The following DDAH1 variants were observed in gnomAD, a reference collection of about 807,000 sequenced individuals.
The protein encoded by DDAH1 is dimethylarginine dimethylaminohydrolase 1.
DDAH1 carries 19 observed loss-of-function variants against 28.8 expected under a neutral mutation model. The ratio of observed to expected loss-of-function variants is 0.66; its 90% CI spans 0.46 to 0.97. The LOEUF is 0.97. Ranked by LOEUF, DDAH1 falls within the 50% of genes least tolerant of loss-of-function variation. DDAH1 has a pLI of 0.00. For synonymous variants in DDAH1, 153 were observed against 154.4 expected (o/e 0.99, Z 0.07); for missense variants, 326 against 375.9 (o/e 0.87, Z 1.10).
chr1:85,464,609 C>T lies in DDAH1; in HGVS notation c.303+134G>A, dbSNP rs1020835966. The T allele has an allele frequency of 6.6e-7, 1 of 1,522,950 alleles. No homozygotes were observed. The highest frequency in any genetic ancestry group is 1.4e-5 in the African/African-American group (1 of 72,628). The allele number at this position is 1,522,950 out of a possible 1,614,324, so 94.3% of individuals were successfully genotyped here. A position where few individuals can be genotyped will look rare whatever the true frequency, so the allele number is the denominator to read the frequency against. On this transcript the variant is annotated intron_variant, in intron 1 of 5. Transcript: ENST00000284031. The surrounding 1 kb of genome is among the most constrained non-coding windows in gnomAD (Gnocchi z 4.4). ...TCTCTGACACACACACACACACACACACTCGCCCCCCGACGGGAAGTTGTG... is the reference window on the plus strand; with the variant it reads ...TCTCTGACACACACACACACACACATACTCGCCCCCCGACGGGAAGTTGTG...
At chr1:85,563,826 T>C (rs1045440030) in intron 1 of DDAH1, among the ~76,000 whole-genome samples, 1 of 152,232 alleles carries the variant, frequency 6.6e-6, no homozygotes, top group Non-Finnish European at 1.5e-5. Flanking sequence ...GCATGCTAAG[T>C]AGCAACATGG....
chr1:85,547,398 G>A (rs571604319), intron 1 of DDAH1, among the ~76,000 whole-genome samples: 9 of 152,330 alleles, frequency 5.9e-5, no homozygotes, highest in African/African-American at 1.9e-4. Context: ...GGGTCACACA[G>A]TGAGTTTGTT....
chr1:85,330,102 T>C (rs1647669033), intron 4 of DDAH1, among the ~76,000 whole-genome samples: 1 of 152,230 alleles, frequency 6.6e-6, no homozygotes, highest in African/African-American at 2.4e-5. Flanking sequence ...AGGAGACACA[T>C]GTATGTACAC....
chr1:85,396,673 G>A (rs1651828316), intron 1 of DDAH1, among the ~76,000 whole-genome samples: 1 of 152,080 alleles, frequency 6.6e-6, no homozygotes, highest in Non-Finnish European at 1.5e-5. Context: ...AAATTATATA[G>A]GAAATATTGT....
chr1:85,323,240 C>CAA (rs372601589), intron 5 of DDAH1, among the ~76,000 whole-genome samples: 5 of 145,528 alleles, frequency 3.4e-5, no homozygotes, highest in African/African-American at 1.3e-4. Flanking sequence ...AAGCTTAAGA[C>CAA]AAAAAAAAAA....
intron 1 of DDAH1, among the ~76,000 whole-genome samples, chr1:85,436,723 A>G (rs1311858183): frequency 6.6e-6 from 1 of 152,130 alleles, no homozygotes; most frequent in Non-Finnish European, 1.5e-5. Flanking sequence ...GGGAGAAGAG[A>G]GCAGCTCTAT....
intron 4 of DDAH1, among the ~76,000 whole-genome samples, chr1:85,333,927 G>A (rs1004638408): frequency 1.3e-5 from 2 of 152,150 alleles, no homozygotes; most frequent in African/African-American, 4.8e-5. Context: ...GAAACAGGAA[G>A]CTCAAAGATT....
upstream of DDAH1, chr1:85,467,719 C>CG (rs1191006456): frequency 8.5e-5 from 13 of 152,266 alleles, no homozygotes; most frequent in African/African-American, 3.1e-4. Flanking sequence ...TTTAGGAAAA[C>CG]GGACTTTATT....
At chr1:85,397,593 CA>C (rs1176614852) in intron 1 of DDAH1, among the ~76,000 whole-genome samples, 1 of 152,102 alleles carries the variant, frequency 6.6e-6, no homozygotes, top group Admixed American at 6.6e-5. Context: ...CTTTTATAAA[CA>C]AAAATTGAAA....
intron 1 of DDAH1, chr1:85,448,042 C>T (rs1338051340): frequency 6.6e-6 from 1 of 152,440 alleles, no homozygotes; most frequent in African/African-American, 2.4e-5. Context: ...ACAAACTTGT[C>T]CAACCCATGG....
rs528341845 is a variant in DDAH1 at position 85,459,472 on chromosome 1, C to T, written c.303+5271G>A. 7.9e-5 allele frequency among the ~76,000 whole-genome samples: 12 copies of T among 152,178 alleles called. No individual in the cohort carries two copies. In the South Asian group the frequency reaches 2.3e-3, roughly 29 times the overall value. ...TCTCTGGGACACATCAATTTCCAAA[C>T]GTTACTGCCAAGGCCATGTAGAAGA... On this transcript the variant is annotated intron_variant, in intron 1 of 5. Coordinates refer to ENST00000284031, the MANE Select transcript of DDAH1 (RefSeq NM_012137.4).
At chr1:85,408,600 T>C (rs1448584173) in intron 1 of DDAH1, among the ~76,000 whole-genome samples, 1 of 152,210 alleles carries the variant, frequency 6.6e-6, no homozygotes, top group Non-Finnish European at 1.5e-5. Context: ...TATGTCACAG[T>C]GTTAGCTTAC....
chr1:85,404,640 A>C, intron 1 of DDAH1: 1 of 716,350 alleles, frequency 1.4e-6, no homozygotes, highest in South Asian at 5.6e-5. Flanking sequence ...GATACTGTAG[A>C]CTCAAGTATT....
chr1:85,557,872 G>C (rs1301085659), intron 1 of DDAH1, among the ~76,000 whole-genome samples: 1 of 151,466 alleles, frequency 6.6e-6, no homozygotes, highest in African/African-American at 2.5e-5. Context: ...AAGAAGAGAG[G>C]CCTCAGAAGA....
chr1:85,556,557 G>A (rs571653091), intron 1 of DDAH1, among the ~76,000 whole-genome samples: 28 of 152,132 alleles, frequency 1.8e-4, no homozygotes, highest in Admixed American at 7.9e-4. Context: ...CAGAATTTGC[G>A]CACGTGGAAT....
At chr1:85,441,588 CA>C (rs1205604891) in intron 1 of DDAH1, among the ~76,000 whole-genome samples, 1 of 151,894 alleles carries the variant, frequency 6.6e-6, no homozygotes, top group African/African-American at 2.4e-5. Context: ...GCAGACTACA[CA>C]AGGATTGAAA....
chr1:85,440,673 A>C (rs979249746), intron 1 of DDAH1, among the ~76,000 whole-genome samples: 66 of 152,318 alleles, frequency 4.3e-4, no homozygotes, highest in African/African-American at 1.4e-4. Context: ...CCTTAGATAA[A>C]AGTCAGTTTC....
At chr1:85,461,305 A>C (rs2100688872) in intron 1 of DDAH1, among the ~76,000 whole-genome samples, 1 of 152,312 alleles carries the variant, frequency 6.6e-6, no homozygotes, top group African/African-American at 2.4e-5. Flanking sequence ...AGTTTCCTTC[A>C]CTAAAACTTA....
chr1:85,526,073 C>T (rs2100768065), intron 1 of DDAH1, among the ~76,000 whole-genome samples: 1 of 152,276 alleles, frequency 6.6e-6, no homozygotes, highest in African/African-American at 2.4e-5. Context: ...AGTCAGAAGG[C>T]TGTCTGGTTA....
Sources: allele counts gnomAD v4.1 joint callset (sites outside exome capture counted in the v4.1 genomes callset), GRCh38; gene constraint gnomAD v4.1.1; non-coding constraint Gnocchi (gnomAD v3.1); transcripts MANE v1.5; gene names NCBI Gene and HGNC (gene_info 2026-07-23, HGNC 2026-07-21).